Variants in SLC27A2 observed in about 807,000 individuals in gnomAD.
SLC27A2 encodes long-chain fatty acid transport protein 2.
SLC27A2 carries 54 observed loss-of-function variants against 60.0 expected under a neutral mutation model. The ratio of observed to expected loss-of-function variants is 0.90; its 90% CI spans 0.72 to 1.13. The LOEUF (loss-of-function observed/expected upper bound fraction) is 1.13, where lower values mean the gene tolerates loss of function less well. SLC27A2 is among the 50% of genes most tolerant of loss of function. SLC27A2 has a pLI of 0.00. For synonymous variants in SLC27A2, 297 were observed against 297.6 expected (o/e 1.00, Z 0.02); for missense variants, 739 against 777.6 (o/e 0.95, Z 0.59).
chr15:50,203,708 A>G (rs1466800664), intron 3 of SLC27A2, among the ~76,000 whole-genome samples: 2 of 152,146 alleles, frequency 1.3e-5, no homozygotes, highest in South Asian at 2.1e-4. Context: ...AAAAATGTAT[A>G]TGTTGAAATC....
intron 1 of SLC27A2, 147 bp downstream of exon 1, chr15:50,183,052 G>T: frequency 2.5e-6 from 2 of 801,582 alleles, no homozygotes; most frequent in South Asian, 1.7e-5. Context: ...TCCTTGAATC[G>T]CAAATAATGA....
chr15:50,231,214 G>A (rs1156261127), intron 8 of SLC27A2, among the ~76,000 whole-genome samples: 4 of 147,502 alleles, frequency 2.7e-5, no homozygotes, highest in South Asian at 2.1e-4. Flanking sequence ...GCGCGATCTC[G>A]GCTCACTGTA....
intron 4 of SLC27A2, among the ~76,000 whole-genome samples, chr15:50,213,218 T>G (rs1352326999): frequency 6.6e-6 from 1 of 152,138 alleles, no homozygotes; most frequent in Non-Finnish European, 1.5e-5. Context: ...AGAGACAGTA[T>G]AGAATTGTAA....
chr15:50,205,496 T>C lies in SLC27A2; in HGVS notation c.972+133T>C, dbSNP rs949100526. The C allele has an allele frequency of 4.8e-6, 4 of 827,976 alleles. No homozygotes were observed. In the African/African-American group the frequency reaches 6.8e-5, roughly 14 times the overall value. The allele number at this position is 827,976 out of a possible 1,614,324, so 51.3% of individuals were successfully genotyped here. On this transcript the variant is annotated intron_variant, in intron 4 of 9. Transcript: ENST00000267842. ...TTAGGATACAATTATCATGATAAAGTACTTGGCACTATACCTACCATATAG... is the reference window on the plus strand; with the variant it reads ...TTAGGATACAATTATCATGATAAAGCACTTGGCACTATACCTACCATATAG...
intron 4 of SLC27A2, among the ~76,000 whole-genome samples, chr15:50,213,698 C>A (rs149429526): frequency 6.6e-6 from 1 of 152,246 alleles, no homozygotes; most frequent in Non-Finnish European, 1.5e-5. Context: ...AAATAACCTG[C>A]TCCTGAATGA....
At chr15:50,216,217 C>G (rs2045194334) in intron 4 of SLC27A2, among the ~76,000 whole-genome samples, 2 of 152,154 alleles carry the variant, frequency 1.3e-5, no homozygotes, top group South Asian at 4.1e-4. Flanking sequence ...TGCTCAACAT[C>G]ACTAATGATC....
Position 50,233,985 on chromosome 15 carries a change from T to G in SLC27A2, c.1673T>G (p.Phe558Cys), listed in dbSNP as rs1595694456. 1 of 1,612,042 alleles carries G rather than the reference T, an allele frequency of 6.2e-7. No homozygotes were observed. The highest frequency in any genetic ancestry group is 1.3e-5 in the African/African-American group (1 of 74,870). ...DYLPSYARPR[F>C]LRIQDTIEIT... is the part of the protein sequence containing the mutation. ...CTACCTAGTTATGCAAGGCCCCGGT[T>G]TCTAAGAATACAGGTGAGATCTCTT... Residue 558 changes from phenylalanine (F) to cysteine (C), a missense_variant, in exon 9 of 10, where the codon TTT becomes TGT. Transcript: ENST00000267842.
At chr15:50,198,466 G>T (rs1415299122) in intron 2 of SLC27A2, 2 of 151,954 alleles carry the variant, frequency 1.3e-5, no homozygotes, top group Non-Finnish European at 2.9e-5. Context: ...GCTTAGAGAG[G>T]TTAAGAACTT....
At chr15:50,209,121 C>T (rs1322218317) in intron 4 of SLC27A2, among the ~76,000 whole-genome samples, 2 of 152,196 alleles carry the variant, frequency 1.3e-5, no homozygotes, top group East Asian at 3.9e-4. Context: ...CACATAGAAC[C>T]ATGATATTTG....
intron 5 of SLC27A2, among the ~76,000 whole-genome samples, chr15:50,224,375 G>A (rs1040067608): frequency 2.0e-5 from 3 of 152,164 alleles, no homozygotes; most frequent in Non-Finnish European, 2.9e-5. Context: ...GGGAGGCGGA[G>A]CTTGCAGTGA....
chr15:50,232,547 CT>C (rs1478393267), intron 8 of SLC27A2, among the ~76,000 whole-genome samples: 5 of 152,154 alleles, frequency 3.3e-5, no homozygotes, highest in Non-Finnish European at 7.4e-5. Flanking sequence ...ACCATTCCCC[CT>C]GAAGCTGAAC....
chr15:50,190,240 A>G (rs2044962535), intron 1 of SLC27A2, among the ~76,000 whole-genome samples: 1 of 152,262 alleles, frequency 6.6e-6, no homozygotes. Context: ...TTCAAGGACT[A>G]TGTTATTAAT....
At chr15:50,192,553 T>A (rs1007952699) in intron 1 of SLC27A2, among the ~76,000 whole-genome samples, 27 of 150,710 alleles carry the variant, frequency 1.8e-4, no homozygotes, top group South Asian at 4.2e-4. Flanking sequence ...TTTTTTTAAA[T>A]TTTTTTTTTG....
At chr15:50,199,758 A>G (rs1242547974) in intron 2 of SLC27A2, among the ~76,000 whole-genome samples, 1 of 151,968 alleles carries the variant, frequency 6.6e-6, no homozygotes, top group East Asian at 1.9e-4. Context: ...GCGAGACCAC[A>G]TCTTTACAAA....
intron 8 of SLC27A2, among the ~76,000 whole-genome samples, chr15:50,229,606 G>C (rs1309589522): frequency 6.6e-6 from 1 of 152,176 alleles, no homozygotes; most frequent in Non-Finnish European, 1.5e-5. Flanking sequence ...ACATCTGCTG[G>C]CTGTTTGACT....
intron 8 of SLC27A2, among the ~76,000 whole-genome samples, chr15:50,232,664 C>T (rs150415866): frequency 2.2e-4 from 33 of 152,160 alleles, no homozygotes; most frequent in Admixed American, 5.2e-4. Context: ...AGCAAGGAGA[C>T]GGTGAATGTG....
In SLC27A2 at chr15:50,228,883, C is replaced by T. The variant is rs2045296309; in HGVS notation, c.1458-62C>T. 64 of 1,142,126 alleles carry T rather than the reference C, an allele frequency of 5.6e-5. No individual in the cohort carries two copies. In the South Asian group the frequency reaches 6.7e-4, roughly 12 times the overall value. The allele number at this position is 1,142,126 out of a possible 1,614,324, so 70.7% of individuals were successfully genotyped here. On this transcript the variant is annotated intron_variant, in intron 7 of 9. Transcript: ENST00000267842. ...AAATCTAAAGGAAACACCAGCTCTC[C>T]GACATTGCAACCTGGGCCAGAAACC...
At chr15:50,204,481 C>T (rs1481629416) in intron 3 of SLC27A2, among the ~76,000 whole-genome samples, 1 of 151,636 alleles carries the variant, frequency 6.6e-6, no homozygotes, top group African/African-American at 2.4e-5. Flanking sequence ...CGCCTGTAAT[C>T]TCAGCACTTT....
intron 1 of SLC27A2, among the ~76,000 whole-genome samples, chr15:50,188,970 GATAGATAGATAA>G (rs769513017): frequency 0.026 from 3,357 of 128,576 alleles, 53 homozygotes; most frequent in East Asian, 0.05. Context: ...TAGGTAGATA[GATAGATAGATAA>G]ATAGATAGAT....
Sources: gnomAD v4.1 joint callset for allele counts (sites outside exome capture counted in the v4.1 genomes callset) on GRCh38, gnomAD v4.1.1 for gene constraint, MANE v1.5 for transcripts, NCBI Gene and HGNC (gene_info 2026-07-23, HGNC 2026-07-21) for gene names.